The following SATB1 variants were observed in gnomAD, a reference collection of about 807,000 sequenced individuals.
SATB1 encodes the protein DNA-binding protein SATB1.
SATB1 carries 11 observed loss-of-function variants against 86.9 expected under a neutral mutation model. The ratio of observed to expected loss-of-function variants is 0.13; its 90% confidence interval spans 0.08 to 0.21. The LOEUF (loss-of-function observed/expected upper bound fraction) is 0.21, where lower values mean the gene tolerates loss of function less well. SATB1 is among the 10% of genes least tolerant of loss of function. The pLI, the probability that SATB1 is intolerant of heterozygous loss-of-function variation, is 1.00. For synonymous variants in SATB1, 357 were observed against 357.2 expected, an observed-to-expected ratio of 1.00 and a Z score of 0.01; for missense variants, 551 against 937.6, an observed-to-expected ratio of 0.59 and a Z score of 5.39.
intron 9 of SATB1, among the ~76,000 whole-genome samples, chr3:18,362,165 T>C (rs1443598137): frequency 6.6e-6 from 1 of 152,134 alleles, no homozygotes; most frequent in African/African-American, 2.4e-5. Flanking sequence ...CTGCTGTGGT[T>C]CAGTCCCACA....
rs935942810 is a variant in SATB1, at chr3:18,346,624, A to C, written c.*2546T>G. On this transcript the variant is annotated 3_prime_UTR_variant, in exon 11 of 11. Coordinates refer to ENST00000338745, the MANE Select transcript of SATB1 (RefSeq NM_002971.6). ...TGTGTGTGTATGTGTGGGCATTTAA[A>C]ATATCAAATTATCAAAACCACGCTG... 2.0e-5 allele frequency: 3 copies of C among 151,748 alleles called. No homozygotes were observed. The highest frequency in any genetic ancestry group is 4.4e-5 in the Non-Finnish European group (3 of 67,896). 9.4% of individuals were successfully genotyped at this position (151,748 alleles called of 1,614,324 possible). A position where few individuals can be genotyped will look rare whatever the true frequency, so the allele number is the denominator to read the frequency against.
At chr3:18,355,481 T>A (rs1694584796) in intron 9 of SATB1, among the ~76,000 whole-genome samples, 1 of 152,040 alleles carries the variant, frequency 6.6e-6, no homozygotes, top group Admixed American at 6.6e-5. Context: ...AGTGATATTG[T>A]TAGAACAAAT....
At chr3:18,426,764 T>C (rs1391884404), upstream of SATB1, among the ~76,000 whole-genome samples, 3 of 152,164 alleles carry the variant, frequency 2.0e-5, no homozygotes, top group Non-Finnish European at 4.4e-5. This position sits in a 1 kb window ranked among gnomAD's most constrained non-coding sequence, Gnocchi z 4.2. Flanking sequence ...AGCAACAAGT[T>C]AGCACAAGTA....
At chr3:18,376,718 T>C (rs892662295) in intron 9 of SATB1, among the ~76,000 whole-genome samples, 2 of 152,122 alleles carry the variant, frequency 1.3e-5, no homozygotes, top group Non-Finnish European at 2.9e-5. Context: ...AGCCCTGTAA[T>C]TTCCAATCAA....
At chr3:18,370,125 G>A (rs1363527325) in intron 9 of SATB1, among the ~76,000 whole-genome samples, 1 of 152,180 alleles carries the variant, frequency 6.6e-6, no homozygotes, top group African/African-American at 2.4e-5. Flanking sequence ...GTATTTGGCT[G>A]CCTGATCAGA....
chr3:18,441,393 TAATC>T (rs1214344249), upstream of SATB1, among the ~76,000 whole-genome samples: 1 of 152,180 alleles, frequency 6.6e-6, no homozygotes, highest in Admixed American at 6.5e-5. Context: ...AAAATTCTGA[TAATC>T]AATATATTGA....
Sources: gnomAD v4.1 joint callset for allele counts (sites outside exome capture counted in the v4.1 genomes callset) on GRCh38, gnomAD v4.1.1 for gene constraint, Gnocchi (gnomAD v3.1) non-coding constraint, MANE v1.5 for transcripts, NCBI Gene and HGNC (gene_info 2026-07-23, HGNC 2026-07-21) for gene names.